The following TAOK1 variants were observed in gnomAD, a reference collection of about 807,000 sequenced individuals.
The protein encoded by TAOK1 is serine/threonine-protein kinase TAO1.
In TAOK1, 21 loss-of-function variants were observed where a neutral mutation model predicts 138.3. The ratio of observed to expected loss-of-function variants is 0.15; its 90% CI spans 0.11 to 0.22. The LOEUF (loss-of-function observed/expected upper bound fraction) is 0.22, where lower values mean the gene tolerates loss of function less well. TAOK1 is among the 10% of genes least tolerant of loss of function. The pLI, the probability that TAOK1 is intolerant of heterozygous loss-of-function variation, is 1.00. For synonymous variants in TAOK1, 361 were observed against 398.4 expected, an observed-to-expected ratio of 0.91 and a Z score of 1.12; for missense variants, 651 against 1,227.7, an observed-to-expected ratio of 0.53 and a Z score of 7.02.
In TAOK1 at chr17:29,548,606, T is replaced by C. The variant is rs2032441844; in HGVS notation, c.*5584T>C. On this transcript the variant is annotated 3_prime_UTR_variant, in exon 20 of 20. Transcript: ENST00000261716. ...ACTTTTGAATGAATGAAAAAGGGTA[T>C]CTTGATACCCAGAATTCCCCCCAAA... The C allele has an allele frequency of 6.6e-6, 1 of 152,102 alleles. No homozygotes were observed. Among genetic ancestry groups the C allele is most frequent in the African/African-American group, 2.4e-5 (1 of 41,422 alleles). 9.4% of individuals were successfully genotyped at this position (152,102 alleles called of 1,614,324 possible).
chr17:29,550,554 T>C lies in TAOK1; in HGVS notation c.*7532T>C, dbSNP rs2032473195. On this transcript the variant is annotated 3_prime_UTR_variant, in exon 20 of 20. Coordinates refer to ENST00000261716, the MANE Select transcript of TAOK1 (RefSeq NM_020791.4). ...AAGAGACTATGAGAAATATGTATAG[T>C]GTATATTTTAAAACAGCTTTGCTTG... 6.6e-6 allele frequency: 1 copy of C among 152,240 alleles called. No individual in the cohort carries two copies. The highest frequency in any genetic ancestry group is 2.4e-5 in the African/African-American group (1 of 41,466). 9.4% of individuals were successfully genotyped at this position (152,240 alleles called of 1,614,324 possible).
intron 2 of TAOK1, among the ~76,000 whole-genome samples, chr17:29,461,747 G>A (rs573111371): frequency 4.1e-5 from 6 of 145,306 alleles, no homozygotes; most frequent in East Asian, 4.1e-4. Context: ...TGTAGAGAGC[G>A]AAATTTTTTT....
intron 19 of TAOK1, among the ~76,000 whole-genome samples, chr17:29,534,963 G>A (rs948854407): frequency 6.7e-6 from 1 of 149,902 alleles, no homozygotes; most frequent in Admixed American, 6.7e-5. Context: ...GTGTGTGTGT[G>A]TATTAGGGAA....
intron 9 of TAOK1, among the ~76,000 whole-genome samples, chr17:29,489,961 G>A (rs1234185430): frequency 6.6e-6 from 1 of 151,950 alleles, no homozygotes; most frequent in Non-Finnish European, 1.5e-5. Context: ...GTTCAGAAAA[G>A]GATGGATGAT....
chr17:29,449,498 C>G (rs1373824384), intron 1 of TAOK1, among the ~76,000 whole-genome samples: 6 of 152,102 alleles, frequency 3.9e-5, no homozygotes, highest in Non-Finnish European at 8.8e-5. Flanking sequence ...ATTAAAATTG[C>G]TTGTTACTTG....
chr17:29,473,394 G>A (rs1377658732), intron 3 of TAOK1, among the ~76,000 whole-genome samples: 1 of 152,100 alleles, frequency 6.6e-6, no homozygotes, highest in Non-Finnish European at 1.5e-5. Flanking sequence ...TCAGCACTTT[G>A]GGAGGCCAAG....
At chr17:29,415,064 G>A (rs150854644) in intron 1 of TAOK1, among the ~76,000 whole-genome samples, 2 of 152,032 alleles carry the variant, frequency 1.3e-5, no homozygotes, top group African/African-American at 2.4e-5. Flanking sequence ...CCGCCTCCCA[G>A]GTTCAAGCGA....
intron 10 of TAOK1, among the ~76,000 whole-genome samples, chr17:29,494,904 T>C (rs2031382808): frequency 6.6e-6 from 1 of 151,802 alleles, no homozygotes; most frequent in African/African-American, 2.4e-5. Flanking sequence ...CTTTCTGGAA[T>C]TTACATGCTA....
At chr17:29,501,591 G>A (rs1407363752) in intron 12 of TAOK1, among the ~76,000 whole-genome samples, 1 of 152,102 alleles carries the variant, frequency 6.6e-6, no homozygotes, top group African/African-American at 2.4e-5. Context: ...TAAAAAGATA[G>A]CTCCATTGCT....
intron 13 of TAOK1, among the ~76,000 whole-genome samples, chr17:29,506,794 G>A (rs2031636495): frequency 6.6e-6 from 1 of 152,126 alleles, no homozygotes; most frequent in East Asian, 1.9e-4. Flanking sequence ...ACAAGTGCAT[G>A]TACACACAGT....
At chr17:29,533,816 C>CAGAGGGAGACAGTGGAAAGAGAGGG in intron 18 of TAOK1, among the ~76,000 whole-genome samples, 1 of 54,132 alleles carries the variant, frequency 1.8e-5, no homozygotes, top group Admixed American at 2.1e-4. Flanking sequence ...GGCTCGGCAT[C>CAGAGGGAGACAGTGGAAAGAGAGGG]AGAGGGAGAC....
intron 1 of TAOK1, among the ~76,000 whole-genome samples, chr17:29,443,336 G>A (rs557115680): frequency 5.7e-4 from 87 of 152,194 alleles, no homozygotes; most frequent in African/African-American, 2.0e-3. Context: ...TCTTCTTTTT[G>A]TTGCTCTTGA....
At chr17:29,487,540 G>C (rs2031199406) in intron 8 of TAOK1, among the ~76,000 whole-genome samples, 1 of 152,150 alleles carries the variant, frequency 6.6e-6, no homozygotes, top group Admixed American at 6.5e-5. Flanking sequence ...GCCCCTTGGA[G>C]AAATGATTGA....
At chr17:29,529,645 C>G (rs1419790332) in intron 17 of TAOK1, among the ~76,000 whole-genome samples, 5 of 152,136 alleles carry the variant, frequency 3.3e-5, no homozygotes, top group Admixed American at 3.3e-4. Flanking sequence ...GCAGGCAGAT[C>G]ACTTGAAGTG....
At chr17:29,523,623 T>G (rs2031959137) in intron 17 of TAOK1, among the ~76,000 whole-genome samples, 1 of 152,126 alleles carries the variant, frequency 6.6e-6, no homozygotes. Context: ...CCTGACCTCG[T>G]GATCCACCCG....
chr17:29,482,103 A>G (rs2031077219), intron 7 of TAOK1, 94 bp from the exon 8 acceptor site: 2 of 872,026 alleles, frequency 2.3e-6, no homozygotes, highest in Non-Finnish European at 3.6e-6. Context: ...CTAGAATTCA[A>G]ACCAGTGATC....
intron 10 of TAOK1, 37 bp from the exon 11 acceptor site, chr17:29,495,522 GA>G (rs534191598): frequency 1.1e-4 from 162 of 1,499,344 alleles, no homozygotes; most frequent in South Asian, 4.5e-4. Context: ...GTCACTAATT[GA>G]AAAAAAAATC....
chr17:29,473,214 G>T (rs2030867956), intron 3 of TAOK1, among the ~76,000 whole-genome samples: 1 of 152,146 alleles, frequency 6.6e-6, no homozygotes, highest in African/African-American at 2.4e-5. Context: ...ATCACAAGCT[G>T]CATTAGCCCC....
At chr17:29,500,924 AT>A (rs879777722) in intron 12 of TAOK1, among the ~76,000 whole-genome samples, 1 of 152,172 alleles carries the variant, frequency 6.6e-6, no homozygotes, top group Admixed American at 6.6e-5. Context: ...AAATAGGCAA[AT>A]TCATAGTGAC....
Sources: gnomAD v4.1 joint callset for allele counts (sites outside exome capture counted in the v4.1 genomes callset) on GRCh38, gnomAD v4.1.1 for gene constraint, MANE v1.5 for transcripts, NCBI Gene and HGNC (gene_info 2026-07-23, HGNC 2026-07-21) for gene names.